The following ABCB10 variants were observed in gnomAD, a reference collection of about 807,000 sequenced individuals.
The protein encoded by ABCB10 is ATP binding cassette subfamily B member 10, also known as ATP-binding cassette sub-family B member 10, mitochondrial.
Under a neutral mutation model 65.4 loss-of-function variants are expected in ABCB10, and 54 were observed. The ratio of observed to expected loss-of-function variants is 0.83; its 90% confidence interval spans 0.66 to 1.04. The LOEUF is 1.04. Among genes scored for constraint, ABCB10 ranks in the 50% least tolerant of loss-of-function variants. The pLI, the probability that ABCB10 is intolerant of heterozygous loss-of-function variation, is 0.00. For synonymous variants in ABCB10, 418 were observed against 406.5 expected, an observed-to-expected ratio of 1.03 and a Z score of -0.34; for missense variants, 846 against 976.6, an observed-to-expected ratio of 0.87 and a Z score of 1.78.
intron 1 of ABCB10, among the ~76,000 whole-genome samples, chr1:229,554,751 C>T (rs1275935596): frequency 1.3e-5 from 2 of 152,162 alleles, no homozygotes; most frequent in African/African-American, 4.8e-5. Context: ...CTTTCGGGGG[C>T]AGTTCCGATT....
At chr1:229,547,273 T>C (rs1014501634) in intron 3 of ABCB10, among the ~76,000 whole-genome samples, 3 of 152,308 alleles carry the variant, frequency 2.0e-5, no homozygotes, top group Admixed American at 6.5e-5. Flanking sequence ...CAGTAACACA[T>C]GAGTCCATTT....
intron 6 of ABCB10, among the ~76,000 whole-genome samples, chr1:229,536,902 C>T (rs113754230): frequency 3.3e-5 from 5 of 151,486 alleles, no homozygotes; most frequent in African/African-American, 1.2e-4. Context: ...GGCTGCCCTA[C>T]TGCACTCCAG....
At chr1:229,550,779 G>A (rs866185257) in intron 1 of ABCB10, among the ~76,000 whole-genome samples, 3 of 150,660 alleles carry the variant, frequency 2.0e-5, no homozygotes, top group Admixed American at 6.6e-5. Flanking sequence ...CAAGAGAATC[G>A]CTTGAACCCA....
Position 229,558,461 on chromosome 1 carries a change from G to A in ABCB10, c.192C>T (p.Ala64=). The stretch of plus-strand genomic sequence containing the variant: ...GGCAGCCGCTCCTCCAGCGGCGCGC[G>A]GCTCCAACGCCCCAGAGCAGCGCGG... The part of the protein sequence containing the change: ...AGPALLWGVG[A]ARRWRSGCRG... The change falls in exon 1 of 13, where the codon GCC becomes GCT. Residue 64 remains alanine (A), a synonymous_variant. Transcript: ENST00000344517. The A allele has an allele frequency of 1.6e-6, 2 of 1,229,056 alleles. No individual in the cohort carries two copies. Among genetic ancestry groups the A allele is most frequent in the Non-Finnish European group, 2.0e-6 (2 of 988,594 alleles). The allele number at this position is 1,229,056 out of a possible 1,614,324, so 76.1% of individuals were successfully genotyped here.
chr1:229,530,625 C>T (rs562487647), intron 7 of ABCB10, among the ~76,000 whole-genome samples: 4 of 152,220 alleles, frequency 2.6e-5, no homozygotes, highest in Admixed American at 6.5e-5. Context: ...TATACGTAGA[C>T]GGTCTTACTT....
intron 1 of ABCB10, among the ~76,000 whole-genome samples, chr1:229,555,130 G>A (rs192055649): frequency 2.0e-5 from 3 of 152,202 alleles, no homozygotes; most frequent in East Asian, 1.9e-4. Flanking sequence ...CCACCCCGCC[G>A]AAGCCCCCCA....
chr1:229,551,766 G>A (rs1003896435), intron 1 of ABCB10, among the ~76,000 whole-genome samples: 1 of 152,182 alleles, frequency 6.6e-6, no homozygotes, highest in East Asian at 1.9e-4. Flanking sequence ...TTGAGGTTCC[G>A]AGTACCTCAG....
At chr1:229,547,734 G>C in intron 2 of ABCB10, 33 bp from the exon 3 acceptor site, 1 of 1,609,574 alleles carries the variant, frequency 6.2e-7, no homozygotes. Flanking sequence ...GCTCACCAAG[G>C]GTAAAGACAT....
chr1:229,549,387 G>A lies in ABCB10; in HGVS notation c.565C>T (p.Pro189Ser), dbSNP rs780008378. Residue 189 changes from proline to serine, a missense_variant, in exon 2 of 13, where the codon CCT becomes TCT. By Grantham distance (74) the Pro-to-Ser change is moderately conservative. Around this residue, in one of 2 missense-constraint regions of ABCB10, gnomAD observed 632 missense variants for 803.2 expected, o/e 0.79. Transcript: ENST00000344517. ...TMSSVISMSA[P>S]FFLGKIIDVI... ...TCAATGATCTTCCCCAGGAAGAAAG[G>A]GGCAGACATGGAGATAACACTGGAC... 61 of 1,614,028 alleles carry A rather than the reference G, an allele frequency of 3.8e-5. No homozygotes were observed. The highest frequency in any genetic ancestry group is 5.3e-5 in the African/African-American group (4 of 74,908).
chr1:229,554,377 G>A (rs191249359), intron 1 of ABCB10, among the ~76,000 whole-genome samples: 1 of 152,232 alleles, frequency 6.6e-6, no homozygotes, highest in African/African-American at 2.4e-5. Flanking sequence ...CATGCTATTA[G>A]CATGCTCTAG....
At chr1:229,533,912 TGAAA>T (rs1662644602) in intron 6 of ABCB10, among the ~76,000 whole-genome samples, 1 of 152,044 alleles carries the variant, frequency 6.6e-6, no homozygotes, top group Non-Finnish European at 1.5e-5. Context: ...GTACAATCCA[TGAAA>T]GAAAGAAGCT....
intron 11 of ABCB10, among the ~76,000 whole-genome samples, chr1:229,521,153 C>A (rs978166573): frequency 6.6e-6 from 1 of 151,920 alleles, no homozygotes; most frequent in Non-Finnish European, 1.5e-5. Context: ...AGAGAATGCC[C>A]GCCTTTCAGC....
At chr1:229,531,975 C>T (rs1662599011) in intron 6 of ABCB10, 2 of 266,678 alleles carry the variant, frequency 7.5e-6, no homozygotes, top group Admixed American at 7.3e-5. Context: ...TTTTTTGAGA[C>T]AGATCATCAC....
At chr1:229,541,962 AAC>A (rs1202943829) in intron 4 of ABCB10, among the ~76,000 whole-genome samples, 3 of 151,278 alleles carry the variant, frequency 2.0e-5, no homozygotes, top group East Asian at 3.9e-4. Flanking sequence ...AAAAAAAAAA[AAC>A]AAAAAAAAAA....
intron 1 of ABCB10, among the ~76,000 whole-genome samples, chr1:229,553,654 T>C (rs1663170132): frequency 6.6e-6 from 1 of 151,442 alleles, no homozygotes; most frequent in Non-Finnish European, 1.5e-5. Flanking sequence ...GGATTTAGGA[T>C]GAGGAATGCC....
At chr1:229,548,775 G>A (rs1230892172) in intron 2 of ABCB10, among the ~76,000 whole-genome samples, 1 of 150,922 alleles carries the variant, frequency 6.6e-6, no homozygotes, top group East Asian at 1.9e-4. Context: ...CGATTCTCCT[G>A]CCTCAGCCTC....
chr1:229,527,732 G>A (rs969314179), intron 8 of ABCB10, among the ~76,000 whole-genome samples: 1 of 152,204 alleles, frequency 6.6e-6, no homozygotes, highest in African/African-American at 2.4e-5. Context: ...TCTGAAGCTG[G>A]CATTCATGAC....
At chr1:229,542,100 C>A in intron 4 of ABCB10, 137 bp downstream of exon 4, 10 of 1,173,848 alleles carry the variant, frequency 8.5e-6, no homozygotes, top group Non-Finnish European at 6.9e-6. Context: ...TTTCATGGAT[C>A]TTGGGGTAAT....
Position 229,530,269 on chromosome 1 carries a change from C to A in ABCB10, c.1575G>T (p.Leu525=), listed in dbSNP as rs775042889. The part of the protein sequence containing the change: ...LSIPSGSVTA[L]VGPSGSGKST... Reference sequence around the variant, plus strand: ...ATTTGCCAGAACCACTTGGGCCAACCAGTGCCGTGACAGATCCTGACGGAA... The same window carrying A: ...ATTTGCCAGAACCACTTGGGCCAACAAGTGCCGTGACAGATCCTGACGGAA... Residue 525 remains leucine, a synonymous_variant, in exon 8 of 13, where the codon CTG becomes CTT. Coordinates refer to ENST00000344517, the MANE Select transcript of ABCB10 (RefSeq NM_012089.3). 6.2e-7 allele frequency: 1 copy of A among 1,614,162 alleles called. No homozygotes were observed. The highest frequency in any genetic ancestry group is 1.1e-5 in the South Asian group (1 of 91,084).
Sources: gnomAD v4.1 joint callset for allele counts (sites outside exome capture counted in the v4.1 genomes callset) on GRCh38, gnomAD v4.1.1 for gene constraint, gnomAD v4.1.1 regional missense constraint, MANE v1.5 for transcripts, NCBI Gene and HGNC (gene_info 2026-07-23, HGNC 2026-07-21) for gene names.